Variants in MCPH1 observed in about 807,000 individuals in gnomAD.
MCPH1 encodes the protein microcephalin.
In MCPH1, 104 loss-of-function variants were observed where a neutral mutation model predicts 84.5. The observed-to-expected ratio is 1.23, with a 90% CI of 1.05 to 1.45. The LOEUF is 1.45. Among genes scored for constraint, MCPH1 ranks in the 40% most tolerant of loss-of-function variants. The probability of loss-of-function intolerance (pLI) is 0.00; values close to 1 mark genes in which losing one functional copy is unlikely to be tolerated. For synonymous variants in MCPH1, 514 were observed against 366.8 expected, an observed-to-expected ratio of 1.40 and a Z score of -4.58; for missense variants, 1,498 against 1,005.7, an observed-to-expected ratio of 1.49 and a Z score of -6.62.
At chr8:6,445,594 A>G in intron 8 of MCPH1, 47 bp downstream of exon 8, 3 of 1,532,284 alleles carry the variant, frequency 2.0e-6, no homozygotes, top group Non-Finnish European at 2.6e-6. Flanking sequence ...ATAAACATGT[A>G]ACAGTGCATC....
intron 12 of MCPH1, among the ~76,000 whole-genome samples, chr8:6,572,285 C>T (rs56133839): frequency 3.3e-5 from 5 of 152,072 alleles, no homozygotes; most frequent in African/African-American, 9.7e-5. Flanking sequence ...AATCCTGATG[C>T]GCATTTAAAT....
In MCPH1 at chr8:6,439,030, C is replaced by T. The variant is rs1803089426; in HGVS notation, c.514C>T (p.His172Tyr). The change falls in exon 6 of 14, where the codon CAC becomes TAC. Residue 172 changes from histidine (H) to tyrosine (Y), a missense_variant. Physicochemically the swap from His to Tyr is moderately conservative, Grantham distance 83. Coordinates refer to ENST00000344683, the MANE Select transcript of MCPH1 (RefSeq NM_024596.5). ...YTPTIEINSR[H>Y]HSAMEKRLQE... ...TCCCACAATTGAAATTAATAGTAGG[C>T]ACCACAGCGCAATGGAGAAGAGATT... 1.2e-6 allele frequency: 2 copies of T among 1,612,480 alleles called. No individual in the cohort carries two copies. Among genetic ancestry groups the T allele is most frequent in the African/African-American group, 1.3e-5 (1 of 74,836 alleles).
intron 12 of MCPH1, among the ~76,000 whole-genome samples, chr8:6,583,849 C>CTTTT (rs1827767274): frequency 1.0e-5 from 1 of 97,726 alleles, no homozygotes; most frequent in African/African-American, 3.7e-5. Flanking sequence ...GTGTTCATTT[C>CTTTT]TTGTTTTGTT....
chr8:6,577,610 G>T (rs1234849046), intron 12 of MCPH1, among the ~76,000 whole-genome samples: 1 of 152,216 alleles, frequency 6.6e-6, no homozygotes, highest in South Asian at 2.1e-4. Context: ...TGAATATCTT[G>T]CATGAAGCTA....
intron 13 of MCPH1, among the ~76,000 whole-genome samples, chr8:6,633,787 C>T (rs1421291170): frequency 6.6e-6 from 1 of 152,202 alleles, no homozygotes; most frequent in Admixed American, 6.5e-5. Context: ...CCATGCATTA[C>T]TCACTGTGGT....
chr8:6,489,803 C>G lies in MCPH1; in HGVS notation c.2136+8927C>G, dbSNP rs2979661. 7.2e-5 allele frequency among the ~76,000 whole-genome samples: 11 copies of G among 151,954 alleles called. No homozygotes were observed. In the South Asian group the frequency reaches 2.1e-3, roughly 29 times the overall value. On this transcript the variant is annotated intron_variant, in intron 11 of 13. Coordinates refer to ENST00000344683, the MANE Select transcript of MCPH1 (RefSeq NM_024596.5). The stretch of plus-strand genomic sequence containing the variant: ...TTGCATTATGGTGAGTTGAGTGTGG[C>G]CTTGGGAAGCATCTGAATCTGTTGG...
Position 6,411,469 on chromosome 8 carries a change from T to A in MCPH1, c.114+2099T>A, listed in dbSNP as rs879442895. 5.3e-5 allele frequency among the ~76,000 whole-genome samples: 8 copies of A among 152,218 alleles called. 1 individual carries two copies. The highest frequency in any genetic ancestry group is 5.2e-4 in the Admixed American group (8 of 15,282). On this transcript the variant is annotated intron_variant, in intron 2 of 13. Transcript: ENST00000344683. ...AGAGTGATGATGCTGGCAATTCAGA[T>A]ATGCCAGAGAAGCCTTAAGGTGCTT... is the stretch of plus-strand genomic sequence containing the variant.
At chr8:6,622,835 T>G (rs1365005114) in intron 13 of MCPH1, among the ~76,000 whole-genome samples, 1 of 151,404 alleles carries the variant, frequency 6.6e-6, no homozygotes, top group Admixed American at 6.6e-5. Flanking sequence ...TGGCATACTT[T>G]TATTTGCTTT....
At chr8:6,532,579 A>G (rs1819730879) in intron 12 of MCPH1, 1 of 877,090 alleles carries the variant, frequency 1.1e-6, no homozygotes, top group African/African-American at 1.8e-5. Flanking sequence ...ATCTTTAAAA[A>G]AAAAAAAAAA....
At chr8:6,474,635 C>A (rs2440393) in intron 9 of MCPH1, among the ~76,000 whole-genome samples, 1 of 152,216 alleles carries the variant, frequency 6.6e-6, no homozygotes, top group African/African-American at 2.4e-5. Context: ...TTAAACTTTA[C>A]GAGTAACGTT....
chr8:6,541,555 C>T (rs1410941377), intron 12 of MCPH1, among the ~76,000 whole-genome samples: 2 of 152,146 alleles, frequency 1.3e-5, no homozygotes, highest in Non-Finnish European at 2.9e-5. Context: ...CGGAGACGCT[C>T]GGCAGGTCCT....
intron 12 of MCPH1, chr8:6,563,048 C>A: frequency 1.7e-6 from 2 of 1,199,278 alleles, no homozygotes; most frequent in Non-Finnish European, 2.3e-6. Flanking sequence ...TGGCTGGGTC[C>A]GTCAATGAAA....
At chr8:6,517,412 A>G (rs1051676093) in intron 12 of MCPH1, among the ~76,000 whole-genome samples, 1 of 152,254 alleles carries the variant, frequency 6.6e-6, no homozygotes, top group African/African-American at 2.4e-5. Flanking sequence ...AGGGAAGGAA[A>G]TGACCATACA....
chr8:6,582,610 C>T (rs1457990071), intron 12 of MCPH1, among the ~76,000 whole-genome samples: 1 of 152,166 alleles, frequency 6.6e-6, no homozygotes, highest in East Asian at 1.9e-4. Flanking sequence ...TCACCACTTA[C>T]CTCTCACCAT....
intron 12 of MCPH1, chr8:6,503,381 G>C: frequency 1.0e-6 from 1 of 962,680 alleles, no homozygotes; most frequent in Non-Finnish European, 1.6e-6. Flanking sequence ...GGCACATGCA[G>C]ATGATGGTGA....
intron 12 of MCPH1, among the ~76,000 whole-genome samples, chr8:6,568,240 C>T (rs1263183992): frequency 8.4e-6 from 1 of 118,486 alleles, no homozygotes; most frequent in African/African-American, 4.4e-5. Flanking sequence ...GGCGCGTGGA[C>T]CCATCGCTAG....
intron 3 of MCPH1, among the ~76,000 whole-genome samples, chr8:6,415,408 C>T (rs1044900912): frequency 6.6e-6 from 1 of 151,868 alleles, no homozygotes; most frequent in Non-Finnish European, 1.5e-5. Context: ...ATGCCTCAGC[C>T]TCCCAAGTAG....
At chr8:6,419,174 C>T (rs549206112) in intron 3 of MCPH1, among the ~76,000 whole-genome samples, 1 of 38,682 alleles carries the variant, frequency 2.6e-5, no homozygotes, top group Non-Finnish European at 1.4e-4. Flanking sequence ...CACACACACA[C>T]ACACACACAC....
chr8:6,483,451 G>C (rs986176323), intron 11 of MCPH1, among the ~76,000 whole-genome samples: 1 of 152,224 alleles, frequency 6.6e-6, no homozygotes, highest in South Asian at 2.1e-4. Context: ...CCTCAAGGCA[G>C]TGTGGTATTG....
Sources: gnomAD v4.1 joint callset for allele counts (sites outside exome capture counted in the v4.1 genomes callset) on GRCh38, gnomAD v4.1.1 for gene constraint, MANE v1.5 for transcripts, NCBI Gene and HGNC (gene_info 2026-07-23, HGNC 2026-07-21) for gene names.